Variants in VWA8 observed in about 807,000 individuals in gnomAD.
The protein encoded by VWA8 is von Willebrand factor A domain containing 8.
In VWA8, 221 loss-of-function variants were observed where a neutral mutation model predicts 241.5. The ratio of observed to expected loss-of-function variants is 0.91; its 90% confidence interval spans 0.82 to 1.02. The LOEUF is 1.02. Ranked by LOEUF, VWA8 falls within the 50% of genes least tolerant of loss-of-function variation. The probability of loss-of-function intolerance (pLI) is 0.00; values close to 1 mark genes in which losing one functional copy is unlikely to be tolerated. For missense variants in VWA8, 2,322 were observed against 2,328.7 expected, an observed-to-expected ratio of 1.00 and a Z score of 0.06; for synonymous variants, 852 against 827.1, an observed-to-expected ratio of 1.03 and a Z score of -0.52.
At chr13:41,601,940 AG>A (rs1482657724) in intron 40 of VWA8, among the ~76,000 whole-genome samples, 1 of 152,116 alleles carries the variant, frequency 6.6e-6, no homozygotes, top group Non-Finnish European at 1.5e-5. Context: ...CCGTTCACCA[AG>A]GAAACACCCA....
At chr13:41,706,176 C>T (rs1015765955) in intron 26 of VWA8, among the ~76,000 whole-genome samples, 1 of 152,180 alleles carries the variant, frequency 6.6e-6, no homozygotes, top group Non-Finnish European at 1.5e-5. Context: ...TCAGATTTTA[C>T]TGACAATGCC....
intron 42 of VWA8, among the ~76,000 whole-genome samples, chr13:41,583,656 A>C (rs1179422579): frequency 2.6e-5 from 4 of 151,348 alleles, no homozygotes; most frequent in Non-Finnish European, 5.9e-5. Flanking sequence ...AAAAAAAAAA[A>C]AAAAAACAAA....
At chr13:41,645,905 G>T (rs1305562646) in intron 37 of VWA8, among the ~76,000 whole-genome samples, 1 of 151,648 alleles carries the variant, frequency 6.6e-6, no homozygotes, top group Non-Finnish European at 1.5e-5. Context: ...TTCCAGGAGG[G>T]CAAAGAAGAG....
chr13:41,794,946 CAA>C (rs1475440258), intron 17 of VWA8, among the ~76,000 whole-genome samples: 1 of 151,956 alleles, frequency 6.6e-6, no homozygotes, highest in Non-Finnish European at 1.5e-5. Context: ...AAAAAATTAA[CAA>C]AAGAGATCTA....
intron 37 of VWA8, among the ~76,000 whole-genome samples, chr13:41,615,431 AT>A (rs2044614996): frequency 6.6e-6 from 1 of 152,164 alleles, no homozygotes; most frequent in Non-Finnish European, 1.5e-5. Flanking sequence ...GGAGAGGGGT[AT>A]TTTGCCAGTG....
intron 40 of VWA8, among the ~76,000 whole-genome samples, chr13:41,597,379 G>C (rs1463894821): frequency 6.6e-6 from 1 of 152,008 alleles, no homozygotes; most frequent in African/African-American, 2.4e-5. Flanking sequence ...CAACATATTG[G>C]TACAGCCATT....
At chr13:41,698,698 A>G (rs1209420182) in intron 29 of VWA8, among the ~76,000 whole-genome samples, 1 of 152,170 alleles carries the variant, frequency 6.6e-6, no homozygotes, top group Non-Finnish European at 1.5e-5. Flanking sequence ...TCCCTTGGAC[A>G]TTACTCTGTT....
At chr13:41,920,308 G>A (rs576422200) in intron 2 of VWA8, among the ~76,000 whole-genome samples, 1 of 152,176 alleles carries the variant, frequency 6.6e-6, no homozygotes, top group African/African-American at 2.4e-5. Context: ...TGCCAGTTCT[G>A]CACACTGCCC....
At chr13:41,872,668 C>G (rs989848506) in intron 9 of VWA8, among the ~76,000 whole-genome samples, 2 of 151,990 alleles carry the variant, frequency 1.3e-5, no homozygotes, top group African/African-American at 2.4e-5. Flanking sequence ...TGATCTATAT[C>G]TCTGTTTTGG....
At chr13:41,959,639 G>A (rs1210692998) in intron 1 of VWA8, among the ~76,000 whole-genome samples, 1 of 88,094 alleles carries the variant, frequency 1.1e-5, no homozygotes, top group Non-Finnish European at 2.2e-5. Context: ...ATGGAGTCTT[G>A]CTCTGTCGCC....
chr13:41,776,698 C>A (rs1181827840), intron 20 of VWA8, among the ~76,000 whole-genome samples: 2 of 152,110 alleles, frequency 1.3e-5, no homozygotes, highest in Non-Finnish European at 2.9e-5. Context: ...CCCAAAGGGA[C>A]CATACTATTT....
chr13:41,657,559 G>A (rs996370441), intron 37 of VWA8, among the ~76,000 whole-genome samples: 6 of 147,990 alleles, frequency 4.1e-5, no homozygotes, highest in African/African-American at 1.5e-4. Flanking sequence ...GCACAATCTC[G>A]GCTCACTGCA....
chr13:41,650,417 C>T (rs972932179), intron 37 of VWA8, among the ~76,000 whole-genome samples: 3 of 152,156 alleles, frequency 2.0e-5, no homozygotes, highest in East Asian at 1.9e-4. Flanking sequence ...AACTAACAAG[C>T]GTAGAAACAT....
intron 22 of VWA8, among the ~76,000 whole-genome samples, chr13:41,730,620 T>C (rs1321888635): frequency 1.3e-5 from 2 of 152,114 alleles, no homozygotes; most frequent in Non-Finnish European, 2.9e-5. Flanking sequence ...GGTGACTGGG[T>C]TGATGGTGAC....
At chr13:41,777,035 T>C (rs979010355) in intron 20 of VWA8, among the ~76,000 whole-genome samples, 1 of 152,182 alleles carries the variant, frequency 6.6e-6, no homozygotes, top group Non-Finnish European at 1.5e-5. Flanking sequence ...AAAAGTGCTG[T>C]TCACTGTGAG....
chr13:41,744,651 G>C (rs1452001533), intron 21 of VWA8, among the ~76,000 whole-genome samples: 1 of 152,072 alleles, frequency 6.6e-6, no homozygotes, highest in East Asian at 1.9e-4. Flanking sequence ...AAAGTTGGGA[G>C]GTATCTTCGT....
At chr13:41,671,660 T>C (rs905491479) in intron 36 of VWA8, among the ~76,000 whole-genome samples, 2 of 152,044 alleles carry the variant, frequency 1.3e-5, no homozygotes, top group Non-Finnish European at 2.9e-5. Context: ...GTAGAGCCTC[T>C]TTTATAGAAT....
chr13:41,928,588 G>A (rs1022415249), intron 2 of VWA8, among the ~76,000 whole-genome samples: 3 of 152,098 alleles, frequency 2.0e-5, no homozygotes, highest in South Asian at 2.1e-4. Flanking sequence ...CCTGTGGGAT[G>A]TAGCAAAAGC....
At chr13:41,870,113 T>TA (rs917286825) in intron 9 of VWA8, among the ~76,000 whole-genome samples, 24 of 151,068 alleles carry the variant, frequency 1.6e-4, no homozygotes, top group East Asian at 7.8e-4. Context: ...TCCCCAAACC[T>TA]AAAAAAAAAC....
Sources: gnomAD v4.1 joint callset for allele counts (sites outside exome capture counted in the v4.1 genomes callset) on GRCh38, gnomAD v4.1.1 for gene constraint, MANE v1.5 for transcripts, NCBI Gene and HGNC (gene_info 2026-07-23, HGNC 2026-07-21) for gene names.